The following CASK variants were observed in gnomAD, a reference collection of about 807,000 sequenced individuals.
The protein encoded by CASK is calcium/calmodulin dependent serine protein kinase, also known as peripheral plasma membrane protein CASK.
In CASK, 4 loss-of-function variants were observed where a neutral mutation model predicts 82.9. The observed-to-expected ratio is 0.05, with a 90% CI of 0.02 to 0.11. The LOEUF is 0.11. Ranked by LOEUF, CASK falls within the 10% of genes least tolerant of loss-of-function variation. The pLI, the probability that CASK is intolerant of heterozygous loss-of-function variation, is 1.00. For missense variants in CASK, 358 were observed against 720.9 expected, an observed-to-expected ratio of 0.50 and a Z score of 5.76; for synonymous variants, 259 against 253.5, an observed-to-expected ratio of 1.02 and a Z score of -0.20.
At chrX:41,707,096 T>C (rs758998771) in intron 5 of CASK, among the ~76,000 whole-genome samples, 3 of 112,130 alleles carry the variant, frequency 2.7e-5, no homozygotes, top group Non-Finnish European at 5.6e-5. Context: ...AGATTAAAAA[T>C]TGCCCCCAAT....
intron 2 of CASK, among the ~76,000 whole-genome samples, chrX:41,839,530 C>CTT (rs374371422): frequency 2.4e-3 from 236 of 96,670 alleles, no homozygotes; most frequent in African/African-American, 8.4e-3. Flanking sequence ...TTCTAGGAGT[C>CTT]TTTTTTTTTT....
At chrX:41,778,520 C>A (rs189491798) in intron 3 of CASK, among the ~76,000 whole-genome samples, 2 of 111,484 alleles carry the variant, frequency 1.8e-5, no homozygotes, top group Non-Finnish European at 3.8e-5. Context: ...TGTGAGCCAC[C>A]GTGCCTGGCC....
At chrX:41,770,284 CTATCTATCTAT>C (rs2069206042) in intron 3 of CASK, among the ~76,000 whole-genome samples, 1 of 98,648 alleles carries the variant, frequency 1.0e-5, no homozygotes, top group Non-Finnish European at 2.1e-5. Flanking sequence ...ATCTATCTAT[CTATCTATCTAT>C]CTACCTACCT....
At chrX:41,820,041 C>T (rs1417843236) in intron 2 of CASK, among the ~76,000 whole-genome samples, 1 of 110,773 alleles carries the variant, frequency 9.0e-6, no homozygotes, top group African/African-American at 3.3e-5. Flanking sequence ...TAAGAAGAAA[C>T]AAAAGTCATA....
At chrX:41,580,315 G>A (rs1314096484) in intron 14 of CASK, among the ~76,000 whole-genome samples, 1 of 111,286 alleles carries the variant, frequency 9.0e-6, no homozygotes, top group African/African-American at 3.3e-5. Flanking sequence ...CAAGTAGCTG[G>A]GACCACAGGC....
At chrX:41,785,867 T>A (rs975814170) in intron 3 of CASK, among the ~76,000 whole-genome samples, 4 of 111,569 alleles carry the variant, frequency 3.6e-5, no homozygotes, top group Non-Finnish European at 7.5e-5. Flanking sequence ...AGTGATGGTG[T>A]GTAATTTTGG....
At chrX:41,783,709 G>C (rs1267724941) in intron 3 of CASK, among the ~76,000 whole-genome samples, 1 of 111,731 alleles carries the variant, frequency 9.0e-6, no homozygotes, top group Admixed American at 9.5e-5. Flanking sequence ...CTGTGAGACA[G>C]GCTGCTTCAT....
At chrX:41,626,570 C>A in intron 10 of CASK, 34 bp downstream of exon 10, 1 of 898,580 alleles carries the variant, frequency 1.1e-6, no homozygotes. Flanking sequence ...TGCCAAATGA[C>A]CCACACAGGT....
chrX:41,567,110 T>C (rs1389316095), intron 16 of CASK, among the ~76,000 whole-genome samples: 6 of 112,237 alleles, frequency 5.3e-5, no homozygotes, highest in Admixed American at 2.8e-4. Flanking sequence ...AAGACTTAAA[T>C]GTTAGACCTA....
At chrX:41,564,496 A>G (rs931981502) in intron 16 of CASK, among the ~76,000 whole-genome samples, 1 of 111,793 alleles carries the variant, frequency 8.9e-6, no homozygotes, top group Non-Finnish European at 1.9e-5. Context: ...AGTAGCTGGG[A>G]CTATAGGTGA....
At chrX:41,633,041 CAAA>C (rs1162810871) in intron 9 of CASK, among the ~76,000 whole-genome samples, 2 of 61,088 alleles carry the variant, frequency 3.3e-5, no homozygotes, top group Admixed American at 2.1e-4. Context: ...AAGACTCTCT[CAAA>C]AAAAAAAAAA....
At chrX:41,636,532 C>T (rs1231894182) in intron 9 of CASK, 46 bp downstream of exon 9, 5 of 768,415 alleles carry the variant, frequency 6.5e-6, no homozygotes, top group Admixed American at 2.2e-5. Flanking sequence ...AAAACATGAT[C>T]ATTAACTATA....
chrX:41,858,997 G>A (rs1450436257), intron 1 of CASK, among the ~76,000 whole-genome samples: 1 of 111,196 alleles, frequency 9.0e-6, no homozygotes, highest in African/African-American at 3.3e-5. Context: ...ATATCTAATT[G>A]TAATAAATTT....
At chrX:41,547,361 A>C (rs779116832) in intron 21 of CASK, among the ~76,000 whole-genome samples, 70 of 111,527 alleles carry the variant, frequency 6.3e-4, no homozygotes, top group African/African-American at 2.1e-3. Context: ...TGTTTGTTGT[A>C]GAAACTAGTT....
intron 2 of CASK, among the ~76,000 whole-genome samples, chrX:41,830,613 G>T (rs1376004499): frequency 9.3e-6 from 1 of 107,819 alleles, no homozygotes; most frequent in Non-Finnish European, 1.9e-5. Flanking sequence ...GAAGTCAGTA[G>T]ATCGAGACCA....
chrX:41,787,168 A>T lies in CASK; in HGVS notation c.278+10T>A. The T allele has an allele frequency of 1.0e-6, 1 of 995,287 alleles. No individual in the cohort carries two copies. The highest frequency in any genetic ancestry group is 1.4e-6 in the Non-Finnish European group (1 of 697,580). The allele number at this position is 995,287 out of a possible 1,213,427, so 82.0% of individuals were successfully genotyped here. ...AGTTTTACCCTTTAAGAATTAAAATACACACTCACAATTCGAAAACCATGT... is the reference window on the plus strand; with the variant it reads ...AGTTTTACCCTTTAAGAATTAAAATTCACACTCACAATTCGAAAACCATGT... On this transcript the variant is annotated intron_variant, in intron 3 of 26. Coordinates refer to ENST00000378163, the MANE Select transcript of CASK (RefSeq NM_001367721.1).
chrX:41,847,825 T>C (rs1312770537), intron 2 of CASK, among the ~76,000 whole-genome samples: 4 of 111,737 alleles, frequency 3.6e-5, no homozygotes, highest in Non-Finnish European at 5.6e-5. Context: ...GCTCAAGGGT[T>C]TTGTGGATGT....
chrX:41,812,707 A>T (rs185833975), intron 2 of CASK, among the ~76,000 whole-genome samples: 6 of 111,324 alleles, frequency 5.4e-5, no homozygotes, highest in Non-Finnish European at 9.4e-5. Context: ...CTCTCACCAC[A>T]CCTATTCAAC....
chrX:41,816,922 C>T (rs951064399), intron 2 of CASK, among the ~76,000 whole-genome samples: 10 of 111,041 alleles, frequency 9.0e-5, no homozygotes, highest in Non-Finnish European at 1.7e-4. Context: ...AATAATACCA[C>T]ATCTACACAA....
Sources: allele counts gnomAD v4.1 joint callset (sites outside exome capture counted in the v4.1 genomes callset), GRCh38; gene constraint gnomAD v4.1.1; transcripts MANE v1.5; gene names NCBI Gene and HGNC (gene_info 2026-07-23, HGNC 2026-07-21).